The following KCNQ5 variants were observed in gnomAD, a reference collection of about 807,000 sequenced individuals.
KCNQ5 encodes potassium voltage-gated channel subfamily Q member 5, also known as potassium voltage-gated channel subfamily KQT member 5.
In KCNQ5, 30 loss-of-function variants were observed where a neutral mutation model predicts 98.2. That is an observed-to-expected ratio of 0.31 (90% confidence interval 0.23 to 0.41). KCNQ5 has a LOEUF of 0.41. Among genes scored for constraint, KCNQ5 ranks in the 10% least tolerant of loss-of-function variants. KCNQ5 has a pLI of 1.00. For missense variants in KCNQ5, 835 were observed against 1,182.5 expected (o/e 0.71, Z 4.31); for synonymous variants, 458 against 449.4 (o/e 1.02, Z -0.24).
chr6:72,651,725 T>C (rs1765884874), intron 1 of KCNQ5, among the ~76,000 whole-genome samples: 1 of 152,036 alleles, frequency 6.6e-6, no homozygotes, highest in African/African-American at 2.4e-5. Flanking sequence ...GTTGAACTCC[T>C]TAAAATGATA....
rs535284551 is a variant in KCNQ5 at position 72,970,918 on chromosome 6, C to T, written c.399-32990C>T. ...ACCCTAGAAGAAAACCTAGGCAATA[C>T]CATTCAGGGCATAGGCATGGGCAAG... On this transcript the variant is annotated intron_variant, in intron 1 of 13. Transcript: ENST00000370398. 9.7e-4 allele frequency among the ~76,000 whole-genome samples: 148 copies of T among 152,322 alleles called. 1 individual carries two copies. In the South Asian group the frequency reaches 0.025, roughly 26 times the overall value.
intron 1 of KCNQ5, among the ~76,000 whole-genome samples, chr6:72,693,492 G>T (rs1401082425): frequency 6.6e-6 from 1 of 152,104 alleles, no homozygotes; most frequent in Non-Finnish European, 1.5e-5. Context: ...GTTAGTGATG[G>T]GATTCAGGAT....
intron 1 of KCNQ5, among the ~76,000 whole-genome samples, chr6:72,731,384 A>G (rs1561947509): frequency 2.0e-5 from 3 of 152,258 alleles, no homozygotes; most frequent in South Asian, 4.1e-4. Flanking sequence ...TTGGCTCCAT[A>G]TAAAAGCTAT....
At chr6:72,715,784 T>G (rs1200675496) in intron 1 of KCNQ5, among the ~76,000 whole-genome samples, 2 of 152,208 alleles carry the variant, frequency 1.3e-5, no homozygotes, top group Non-Finnish European at 2.9e-5. Flanking sequence ...GAAATTCTAA[T>G]GATATTCCGA....
At chr6:72,832,117 A>G (rs538844371) in intron 1 of KCNQ5, among the ~76,000 whole-genome samples, 1 of 152,172 alleles carries the variant, frequency 6.6e-6, no homozygotes, top group African/African-American at 2.4e-5. Context: ...GATTTGGGAA[A>G]GAGTCTGGAC....
intron 1 of KCNQ5, among the ~76,000 whole-genome samples, chr6:72,646,379 T>C (rs1323183982): frequency 6.6e-6 from 1 of 152,126 alleles, no homozygotes; most frequent in Non-Finnish European, 1.5e-5. Flanking sequence ...ATTTTGTAAA[T>C]GTATGGACCT....
At chr6:73,120,721 T>C (rs1488667268) in intron 8 of KCNQ5, 144 bp downstream of exon 8, 2 of 441,716 alleles carry the variant, frequency 4.5e-6, no homozygotes, top group East Asian at 3.3e-5. Flanking sequence ...ACCTATTTAG[T>C]AGCAGTTCTG....
intron 1 of KCNQ5, among the ~76,000 whole-genome samples, chr6:72,904,193 C>T (rs1295660515): frequency 1.3e-5 from 2 of 152,098 alleles, no homozygotes; most frequent in African/African-American, 2.4e-5. Context: ...CTTTTGGTGT[C>T]CATTTGCATG....
At chr6:72,653,724 A>G (rs566156416) in intron 1 of KCNQ5, among the ~76,000 whole-genome samples, 85 of 152,062 alleles carry the variant, frequency 5.6e-4, no homozygotes, top group Non-Finnish European at 1.1e-3. Context: ...AAAGTAAAGT[A>G]ACATTTTAAT....
At chr6:73,003,063 T>G (rs1280000568) in intron 1 of KCNQ5, among the ~76,000 whole-genome samples, 3 of 110,850 alleles carry the variant, frequency 2.7e-5, no homozygotes, top group Admixed American at 2.0e-4. Flanking sequence ...ATAGCTCAGG[T>G]TTTTTTTTTA....
intron 5 of KCNQ5, among the ~76,000 whole-genome samples, chr6:73,084,945 T>A (rs889903398): frequency 2.6e-5 from 4 of 152,156 alleles, no homozygotes; most frequent in Admixed American, 2.0e-4. Context: ...TGCTACTCAG[T>A]TCATGTACAA....
Position 73,169,325 on chromosome 6 carries a change from T to C in KCNQ5, c.1469-421T>C, listed in dbSNP as rs1455072253. Among the ~76,000 whole-genome samples the C allele has an allele frequency of 5.3e-5, 8 of 152,194 alleles. No individual in the cohort carries two copies. The East Asian group carries it at 9.6e-4, about 18-fold the overall frequency. On this transcript the variant is annotated intron_variant, in intron 10 of 13. Coordinates refer to ENST00000370398, the MANE Select transcript of KCNQ5 (RefSeq NM_019842.4). ...TTACTTGTTCAGGACATAAGGCTAA[T>C]GGGGTCAGTGTCATGGGATATGAGC...
intron 1 of KCNQ5, among the ~76,000 whole-genome samples, chr6:72,898,821 G>A (rs1779359717): frequency 6.6e-6 from 1 of 152,074 alleles, no homozygotes; most frequent in Non-Finnish European, 1.5e-5. Context: ...TTTCTCCACA[G>A]CTTCTCCAGC....
intron 3 of KCNQ5, among the ~76,000 whole-genome samples, chr6:73,068,272 G>A (rs948426776): frequency 4.0e-5 from 6 of 151,696 alleles, no homozygotes; most frequent in African/African-American, 1.2e-4. Context: ...CTCTAGCCTG[G>A]GCAAAAAGAG....
At chr6:72,967,175 T>C (rs528392152) in intron 1 of KCNQ5, among the ~76,000 whole-genome samples, 28 of 152,298 alleles carry the variant, frequency 1.8e-4, no homozygotes, top group African/African-American at 6.5e-4. Context: ...ATGATATGAC[T>C]CTTAGGGTTT....
At chr6:72,789,300 G>A (rs1773912181) in intron 1 of KCNQ5, among the ~76,000 whole-genome samples, 1 of 152,076 alleles carries the variant, frequency 6.6e-6, no homozygotes. Context: ...GAGATCACAG[G>A]AGCCCGCCAC....
intron 1 of KCNQ5, among the ~76,000 whole-genome samples, chr6:72,689,444 C>A (rs1331507631): frequency 6.6e-6 from 1 of 152,208 alleles, no homozygotes; most frequent in African/African-American, 2.4e-5. Flanking sequence ...CAGCATCAAC[C>A]CAGAAAAATT....
At chr6:73,088,698 A>G (rs773658671) in intron 5 of KCNQ5, among the ~76,000 whole-genome samples, 2 of 152,220 alleles carry the variant, frequency 1.3e-5, no homozygotes, top group African/African-American at 2.4e-5. Flanking sequence ...TCATACTGAC[A>G]TTTGAAAAAC....
chr6:73,142,144 G>A (rs148355958), intron 10 of KCNQ5, among the ~76,000 whole-genome samples: 461 of 152,288 alleles, frequency 3.0e-3, no homozygotes, highest in Non-Finnish European at 5.5e-3. Flanking sequence ...TACGCAGAGA[G>A]AAGCTGCAGT....
Sources: allele counts gnomAD v4.1 joint callset (sites outside exome capture counted in the v4.1 genomes callset), GRCh38; gene constraint gnomAD v4.1.1; transcripts MANE v1.5; gene names NCBI Gene and HGNC (gene_info 2026-07-23, HGNC 2026-07-21).